The following PGM1 variants were observed in gnomAD, a reference collection of about 807,000 sequenced individuals.
PGM1 encodes phosphoglucomutase-1.
A neutral mutation model predicts 55.6 loss-of-function variants in PGM1; 52 were observed. That is an observed-to-expected ratio of 0.94 (90% confidence interval 0.75 to 1.18). The LOEUF (loss-of-function observed/expected upper bound fraction) is 1.18. Among genes scored for constraint, PGM1 ranks in the 50% most tolerant of loss-of-function variants. The pLI is 0.00. For synonymous variants in PGM1, 287 were observed against 271.7 expected (o/e 1.06, Z -0.55); for missense variants, 724 against 729.3 (o/e 0.99, Z 0.08).
intron 1 of PGM1, among the ~76,000 whole-genome samples, chr1:63,628,049 G>T (rs3819913): frequency 0.13 from 20,390 of 152,088 alleles, 1,387 homozygotes; most frequent in African/African-American, 0.17. Context: ...ATGAATGAAT[G>T]GGCAGGATCA....
chr1:63,657,968 G>A (rs552476870), intron 10 of PGM1, among the ~76,000 whole-genome samples: 1 of 152,334 alleles, frequency 6.6e-6, no homozygotes, highest in East Asian at 1.9e-4. Context: ...TTCAAAGAGT[G>A]AATGAAATTT....
rs201303497 is a variant in PGM1 at position 63,651,700 on chromosome 1, G to A, written c.1312G>A (p.Ala438Thr). Residue 438 changes from alanine (A) to threonine (T), a missense_variant, in exon 9 of 11, where the codon GCA becomes ACA. Physicochemically the swap from Ala to Thr is moderately conservative, Grantham distance 58 (BLOSUM62 0). Coordinates refer to ENST00000371084, the MANE Select transcript of PGM1 (RefSeq NM_002633.3). ...TTACGAGGAGGTGGAAGCTGAGGGC[G>A]CAAACAAAATGATGAAGGACTTGGA... ...YDYEEVEAEGANKMMKDLEAL... is the reference protein window; with the variant it reads ...YDYEEVEAEGTNKMMKDLEAL... 23 of 1,613,648 alleles carry A rather than the reference G, an allele frequency of 1.4e-5. No homozygotes were observed. The highest frequency in any genetic ancestry group is 1.7e-4 in the Middle Eastern group (1 of 6,054).
intron 1 of PGM1, among the ~76,000 whole-genome samples, chr1:63,611,774 A>G (rs948793131): frequency 6.6e-6 from 1 of 152,056 alleles, no homozygotes; most frequent in Non-Finnish European, 1.5e-5. Flanking sequence ...GTGGTGGCAC[A>G]TGCCTGTAGT....
At chr1:63,608,645 T>C (rs1648489794) in intron 1 of PGM1, among the ~76,000 whole-genome samples, 1 of 152,202 alleles carries the variant, frequency 6.6e-6, no homozygotes, top group South Asian at 2.1e-4. Context: ...GATGAAGTGC[T>C]TTTTAAAGGA....
chr1:63,612,059 C>G (rs1648581337), intron 1 of PGM1, among the ~76,000 whole-genome samples: 1 of 151,978 alleles, frequency 6.6e-6, no homozygotes, highest in African/African-American at 2.4e-5. Flanking sequence ...AAGTTCGAGA[C>G]CAGCCTGGCC....
chr1:63,658,396 T>C (rs1650023533), intron 10 of PGM1, among the ~76,000 whole-genome samples: 1 of 131,038 alleles, frequency 7.6e-6, no homozygotes, highest in Non-Finnish European at 1.6e-5. Flanking sequence ...CAGAATTCTC[T>C]CTTTTTTTTT....
intron 1 of PGM1, chr1:63,623,614 T>A (rs750835021): frequency 6.2e-7 from 1 of 1,612,826 alleles, no homozygotes; most frequent in Non-Finnish European, 8.5e-7. Context: ...GGAAAAGCCA[T>A]GCTATCTGGA....
At chr1:63,625,673 C>T (rs1701526) in intron 1 of PGM1, among the ~76,000 whole-genome samples, 1 of 152,170 alleles carries the variant, frequency 6.6e-6, no homozygotes. Flanking sequence ...TAAGCTGATT[C>T]TTGGAGGGCT....
chr1:63,623,346 C>G lies in PGM1; in HGVS notation c.247-6079C>G, dbSNP rs74603309. The G allele has an allele frequency of 4.1e-3, 6,215 of 1,513,274 alleles. 23 individuals carry two copies. Among genetic ancestry groups the G allele is most frequent in the Middle Eastern group, 0.012 (64 of 5,320 alleles). 93.7% of individuals were successfully genotyped at this position (1,513,274 alleles called of 1,614,324 possible). A position where few individuals can be genotyped will look rare whatever the true frequency, so the allele number is the denominator to read the frequency against. ...TTGAGAGTGATCGTCCATGCAAACCCTCTATTTTAGTTACTCATACGACAC... is the reference window on the plus strand; with the variant it reads ...TTGAGAGTGATCGTCCATGCAAACCGTCTATTTTAGTTACTCATACGACAC... On this transcript the variant is annotated intron_variant, in intron 1 of 10. Coordinates refer to ENST00000371084, the MANE Select transcript of PGM1 (RefSeq NM_002633.3).
chr1:63,614,339 G>A (rs1280442095), intron 1 of PGM1, among the ~76,000 whole-genome samples: 1 of 152,118 alleles, frequency 6.6e-6, no homozygotes, highest in Non-Finnish European at 1.5e-5. Flanking sequence ...CTACAGTCTA[G>A]GGGTTCCTAA....
chr1:63,600,709 A>G (rs1353697783), intron 1 of PGM1, among the ~76,000 whole-genome samples: 1 of 152,240 alleles, frequency 6.6e-6, no homozygotes, highest in East Asian at 1.9e-4. Flanking sequence ...CCATGCAGAT[A>G]TCCGTGAAAA....
At chr1:63,633,371 C>T (rs1379737012) in intron 4 of PGM1, among the ~76,000 whole-genome samples, 1 of 152,176 alleles carries the variant, frequency 6.6e-6, no homozygotes, top group African/African-American at 2.4e-5. Flanking sequence ...CTACTTTTCT[C>T]CAGGTCTTTT....
chr1:63,593,832 C>T, intron 1 of PGM1, 98 bp downstream of exon 1: 1 of 1,315,636 alleles, frequency 7.6e-7, no homozygotes, highest in Non-Finnish European at 9.6e-7. Flanking sequence ...CGCTTCCGCG[C>T]GCTGCCGCCT....
intron 6 of PGM1, among the ~76,000 whole-genome samples, chr1:63,636,789 GT>G (rs1252193203): frequency 1.3e-5 from 2 of 152,196 alleles, no homozygotes; most frequent in African/African-American, 4.8e-5. Context: ...TTAATGAATA[GT>G]TGAGTGTTAA....
intron 1 of PGM1, among the ~76,000 whole-genome samples, chr1:63,601,165 C>T (rs1322451272): frequency 6.6e-6 from 1 of 152,090 alleles, no homozygotes; most frequent in East Asian, 1.9e-4. Context: ...CTGGAAACCA[C>T]GACTTTAGGA....
intron 1 of PGM1, among the ~76,000 whole-genome samples, chr1:63,625,886 C>G (rs1277279395): frequency 1.3e-5 from 2 of 152,088 alleles, no homozygotes; most frequent in Non-Finnish European, 2.9e-5. Flanking sequence ...CCCCAGAGCT[C>G]TAAACTGAGA....
At chr1:63,639,227 T>C (rs1649449787) in intron 7 of PGM1, among the ~76,000 whole-genome samples, 1 of 152,162 alleles carries the variant, frequency 6.6e-6, no homozygotes, top group African/African-American at 2.4e-5. Flanking sequence ...CTTTCTCTTT[T>C]ATAGGCCCAA....
intron 9 of PGM1, among the ~76,000 whole-genome samples, chr1:63,652,205 T>A (rs904474950): frequency 2.0e-5 from 3 of 152,204 alleles, no homozygotes; most frequent in African/African-American, 7.2e-5. Context: ...TGTGGGAACT[T>A]AGATGTCAAC....
Position 63,593,792 on chromosome 1 carries a change from C to G in PGM1, c.246+58C>G, listed in dbSNP as rs1168531259. 2.0e-6 allele frequency: 3 copies of G among 1,492,436 alleles called. No homozygotes were observed. In the African/African-American group the frequency reaches 4.3e-5, roughly 22 times the overall value. The allele number at this position is 1,492,436 out of a possible 1,614,324, so 92.4% of individuals were successfully genotyped here. A position where few individuals can be genotyped will look rare whatever the true frequency, so the allele number is the denominator to read the frequency against. ...CCCTGGCGCGTGTGCGACGTGCGGC[C>G]CGCGGCGCCCTCCCTCGCTCGGGGC... is the stretch of plus-strand genomic sequence containing the variant. On this transcript the variant is annotated intron_variant, in intron 1 of 10. Transcript: ENST00000371084.
Sources: allele counts gnomAD v4.1 joint callset (sites outside exome capture counted in the v4.1 genomes callset), GRCh38; gene constraint gnomAD v4.1.1; transcripts MANE v1.5; gene names NCBI Gene and HGNC (gene_info 2026-07-23, HGNC 2026-07-21).